Variants in PPP1R3A observed in about 807,000 individuals in gnomAD.
PPP1R3A encodes RG1.
A neutral mutation model predicts 41.7 loss-of-function variants in PPP1R3A; 29 were observed. The ratio of observed to expected loss-of-function variants is 0.70; its 90% CI spans 0.52 to 0.95. PPP1R3A has a LOEUF of 0.95. Ranked by LOEUF, PPP1R3A falls within the 40% of genes least tolerant of loss-of-function variation. PPP1R3A has a pLI of 0.00. For missense variants in PPP1R3A, 1,352 were observed against 1,292.4 expected, an observed-to-expected ratio of 1.05 and a Z score of -0.71; for synonymous variants, 485 against 453.4, an observed-to-expected ratio of 1.07 and a Z score of -0.89.
At chr7:113,903,960 A>T (rs1424871718) in intron 1 of PPP1R3A, among the ~76,000 whole-genome samples, 1 of 151,648 alleles carries the variant, frequency 6.6e-6, no homozygotes, top group East Asian at 1.9e-4. Context: ...TGCAGGTCAA[A>T]TTCAATTCCT....
intron 1 of PPP1R3A, among the ~76,000 whole-genome samples, chr7:113,892,978 G>C (rs113057586): frequency 3.4e-4 from 51 of 152,018 alleles, no homozygotes; most frequent in Middle Eastern, 3.4e-3. Flanking sequence ...GATTAGATTA[G>C]AAGGCCACAA....
intron 1 of PPP1R3A, among the ~76,000 whole-genome samples, chr7:113,882,961 C>A (rs190236939): frequency 6.6e-6 from 1 of 152,104 alleles, no homozygotes; most frequent in East Asian, 1.9e-4. Flanking sequence ...GACTTTGGAT[C>A]ATTTATATGC....
intron 1 of PPP1R3A, among the ~76,000 whole-genome samples, chr7:113,894,466 A>T (rs2129117082): frequency 6.6e-6 from 1 of 152,066 alleles, no homozygotes; most frequent in East Asian, 1.9e-4. Flanking sequence ...CCCTTGGAAC[A>T]GGTGGGTAGC....
In PPP1R3A at chr7:113,882,160, G is replaced by A; in HGVS notation, c.845C>T (p.Thr282Ile). The A allele has an allele frequency of 6.2e-7, 1 of 1,611,122 alleles. No individual in the cohort carries two copies. The highest frequency in any genetic ancestry group is 8.5e-7 in the Non-Finnish European group (1 of 1,177,904). Residue 282 changes from threonine to isoleucine, a missense_variant, in exon 3 of 4, where the codon ACC (threonine) becomes ATC (isoleucine). Transcript: ENST00000284601. ...AGAACAAATGATTGTTGGGATATAG[G>A]TATCTGAAAAGTTAATATAATTGTG... ...NNFENPKNTD[T>I]YIPTIICSHE...
At chr7:113,885,712 T>C (rs1491002074) in intron 1 of PPP1R3A, among the ~76,000 whole-genome samples, 2 of 151,556 alleles carry the variant, frequency 1.3e-5, no homozygotes, top group East Asian at 2.0e-4. Context: ...AGCAATATAA[T>C]ATTAAATGAA....
At position 113,878,717 on chromosome 7, in the gene PPP1R3A, G is replaced by A. The variant is rs1415569285; in HGVS notation, c.2375C>T (p.Thr792Ile). 3 of 1,613,286 alleles carry A rather than the reference G, an allele frequency of 1.9e-6. No homozygotes were observed. Among genetic ancestry groups the A allele is most frequent in the Non-Finnish European group, 2.5e-6 (3 of 1,179,610 alleles). The change falls in exon 4 of 4, where the codon ACA becomes ATA. Residue 792 changes from threonine (T) to isoleucine (I), a missense_variant. Coordinates refer to ENST00000284601, the MANE Select transcript of PPP1R3A (RefSeq NM_002711.4). ...ATCATTGTCATAGATTACACCTACT[G>A]TATCTCGTTGACAAAGGGTATAATG... ...DSHYTLCQRD[T>I]VGVIYDNDFE... is the part of the protein sequence containing the mutation.
At chr7:113,886,090 G>C (rs1212793094) in intron 1 of PPP1R3A, among the ~76,000 whole-genome samples, 1 of 151,180 alleles carries the variant, frequency 6.6e-6, no homozygotes, top group Admixed American at 6.6e-5. Flanking sequence ...TCTGTGGTTT[G>C]TTATATATTA....
intron 1 of PPP1R3A, among the ~76,000 whole-genome samples, chr7:113,888,653 T>C (rs1796829205): frequency 6.6e-6 from 1 of 152,130 alleles, no homozygotes; most frequent in African/African-American, 2.4e-5. Context: ...TCCCAGGAGT[T>C]TATGTGGACA....
At chr7:113,891,096 A>AC (rs1796876995) in intron 1 of PPP1R3A, among the ~76,000 whole-genome samples, 1 of 149,100 alleles carries the variant, frequency 6.7e-6, no homozygotes, top group Non-Finnish European at 1.5e-5. Context: ...AAAAAAAAAA[A>AC]AAAAAAAAAA....
In PPP1R3A at chr7:113,879,151, A is replaced by G. The variant is rs780698665; in HGVS notation, c.1941T>C (p.Asp647=). ...AACTTTGTTTATGCTGTGGGCTATT[A>G]TCCTGATCTTCAGAATTAATCCCAC... ...KSGGINSEDQ[D]NSPQHKQSWN... is the part of the protein sequence containing the mutation. The change falls in exon 4 of 4, where the codon GAT becomes GAC. Residue 647 remains aspartate, a synonymous_variant. Transcript: ENST00000284601. 1.1e-5 allele frequency: 17 copies of G among 1,613,654 alleles called. No homozygotes were observed. The South Asian group carries it at 1.9e-4, about 18-fold the overall frequency.
At chr7:113,905,489 T>G (rs149546021) in intron 1 of PPP1R3A, among the ~76,000 whole-genome samples, 1 of 151,848 alleles carries the variant, frequency 6.6e-6, no homozygotes, top group Non-Finnish European at 1.5e-5. Flanking sequence ...TTTATATACA[T>G]GAATATGGGA....
chr7:113,894,891 T>C lies in PPP1R3A; in HGVS notation c.783-12571A>G, dbSNP rs554485048. Among the ~76,000 whole-genome samples, 4 of 152,136 alleles carry C rather than the reference T, an allele frequency of 2.6e-5. No homozygotes were observed. The South Asian group carries it at 8.3e-4, about 31-fold the overall frequency. ...AACTGTTGTTAAGAAAAGGTGATCT[T>C]AAATGTAAACCAATATTCTCAGTAT... is the stretch of plus-strand genomic sequence containing the variant. On this transcript the variant is annotated intron_variant, in intron 1 of 3. Coordinates refer to ENST00000284601, the MANE Select transcript of PPP1R3A (RefSeq NM_002711.4).
chr7:113,886,628 G>A (rs1340792959), intron 1 of PPP1R3A, among the ~76,000 whole-genome samples: 1 of 152,126 alleles, frequency 6.6e-6, no homozygotes, highest in Non-Finnish European at 1.5e-5. Context: ...ACTGTTTTGG[G>A]TGGTTGTTTT....
rs190479028 is a variant in PPP1R3A at position 113,893,659 on chromosome 7, C to A, written c.783-11339G>T. Among the ~76,000 whole-genome samples, 990 of 152,100 alleles carry A rather than the reference C, an allele frequency of 6.5e-3. 6 individuals are homozygous for A. Among genetic ancestry groups the A allele is most frequent in the Non-Finnish European group, 0.011 (733 of 67,952 alleles). On this transcript the variant is annotated intron_variant, in intron 1 of 3. Transcript: ENST00000284601. The stretch of plus-strand genomic sequence containing the variant: ...GGGAAACTGTACTAAACTGCTCAAG[C>A]ATTCAAGTAACTTAGAACATACCAA...
At chr7:113,903,539 G>T (rs1797099206) in intron 1 of PPP1R3A, among the ~76,000 whole-genome samples, 1 of 151,636 alleles carries the variant, frequency 6.6e-6, no homozygotes, top group African/African-American at 2.4e-5. Context: ...TAAGCAGAAG[G>T]CAATGAAGGA....
In PPP1R3A at chr7:113,879,936, C is replaced by G. The variant is rs1167289327; in HGVS notation, c.1156G>C (p.Gly386Arg). 5.6e-6 allele frequency: 9 copies of G among 1,613,482 alleles called. No individual in the cohort carries two copies. Among genetic ancestry groups the G allele is most frequent in the Non-Finnish European group, 7.6e-6 (9 of 1,179,662 alleles). ...TATTTTTCATTGCAGTAAAAATCTC[C>G]CTTTACGGAGCTTTCTGCTGATGAA... ...PSSSAESSVK[G>R]DFYCNEKYSS... Residue 386 changes from glycine (G) to arginine (R), a missense_variant, in exon 4 of 4, where the codon GGA becomes CGA. Gly to Arg is a moderately radical substitution (Grantham distance 125). Transcript: ENST00000284601.
intron 1 of PPP1R3A, among the ~76,000 whole-genome samples, chr7:113,889,830 T>C (rs1390457242): frequency 2.0e-5 from 3 of 152,114 alleles, no homozygotes; most frequent in Non-Finnish European, 2.9e-5. Flanking sequence ...AATTGTGAAA[T>C]GTTGTGCTGG....
rs548618698 is a variant in PPP1R3A at position 113,878,676 on chromosome 7, G to A, written c.2416C>T (p.Arg806Cys). The change falls in exon 4 of 4, where the codon CGT becomes TGT. Residue 806 changes from arginine (R) to cysteine (C), a missense_variant. Physicochemically the swap from Arg to Cys is radical, Grantham distance 180. Transcript: ENST00000284601. ...ACACGTACATTACAAATACCTAAAC[G>A]TGATTCCTTTTCAAAATCATTGTCA... ...IYDNDFEKES[R>C]LGICNVRVDE... The A allele has an allele frequency of 3.1e-5, 50 of 1,613,308 alleles. No homozygotes were observed. Among genetic ancestry groups the A allele is most frequent in the East Asian group, 4.5e-5 (2 of 44,832 alleles).
intron 1 of PPP1R3A, among the ~76,000 whole-genome samples, chr7:113,887,719 G>A (rs887311765): frequency 6.6e-6 from 1 of 151,944 alleles, no homozygotes; most frequent in Non-Finnish European, 1.5e-5. Flanking sequence ...ACAACAGGTC[G>A]CCAAAGACAA....
Sources: allele counts gnomAD v4.1 joint callset (sites outside exome capture counted in the v4.1 genomes callset), GRCh38; gene constraint gnomAD v4.1.1; transcripts MANE v1.5; gene names NCBI Gene and HGNC (gene_info 2026-07-23, HGNC 2026-07-21).